The following MACROD2 variants were observed in gnomAD, a reference collection of about 807,000 sequenced individuals.
The protein encoded by MACROD2 is mono-ADP ribosylhydrolase 2, also known as ADP-ribose glycohydrolase MACROD2.
In MACROD2, 36 loss-of-function variants were observed where a neutral mutation model predicts 70.4. The ratio of observed to expected loss-of-function variants is 0.51; its 90% CI spans 0.39 to 0.68. The LOEUF (loss-of-function observed/expected upper bound fraction) is 0.68, where lower values mean the gene tolerates loss of function less well. MACROD2 is among the 30% of genes least tolerant of loss of function. The pLI, the probability that MACROD2 is intolerant of heterozygous loss-of-function variation, is 0.00. For synonymous variants in MACROD2, 172 were observed against 178.8 expected (o/e 0.96, Z 0.30); for missense variants, 496 against 538.4 (o/e 0.92, Z 0.78).
chr20:14,682,705 A>G (rs2070948658), intron 4 of MACROD2, among the ~76,000 whole-genome samples: 1 of 152,078 alleles, frequency 6.6e-6, no homozygotes, highest in Non-Finnish European at 1.5e-5. Context: ...GTTGATGGAC[A>G]TCTGAGTAGA....
chr20:15,651,764 A>G (rs463057), intron 8 of MACROD2, among the ~76,000 whole-genome samples: 3,612 of 152,244 alleles, frequency 0.024, 174 homozygotes, highest in East Asian at 0.2. Context: ...CATGTGGCCC[A>G]TGCTCCATAA....
chr20:14,064,297 C>T (rs1378848265), intron 2 of MACROD2, among the ~76,000 whole-genome samples: 1 of 152,152 alleles, frequency 6.6e-6, no homozygotes, highest in Non-Finnish European at 1.5e-5. Flanking sequence ...ATGTTGATCT[C>T]ACCCAGGGCC....
chr20:15,903,902 G>A (rs2147249826), intron 10 of MACROD2, among the ~76,000 whole-genome samples: 1 of 152,270 alleles, frequency 6.6e-6, no homozygotes, highest in South Asian at 2.1e-4. Flanking sequence ...GGTCACTTTT[G>A]GACACGTTAA....
rs570725262 is a variant in MACROD2 at position 15,183,503 on chromosome 20, TA to T, written c.419-46426del. ...GGCAATAGAACAAGACCCTGTCTCT[TA>T]AAAAAAAAAATAGATCTTATTTACT... is the stretch of plus-strand genomic sequence containing the variant. On this transcript the variant is annotated intron_variant, in intron 5 of 17. Transcript: ENST00000684519. Among the ~76,000 whole-genome samples the T allele has an allele frequency of 3.7e-3, 551 of 148,030 alleles. 6 individuals are homozygous for T. In the East Asian group the frequency reaches 0.039, roughly 10 times the overall value.
chr20:14,820,425 A>G (rs772501564), intron 5 of MACROD2, among the ~76,000 whole-genome samples: 1 of 150,368 alleles, frequency 6.7e-6, no homozygotes, highest in Non-Finnish European at 1.5e-5. Context: ...TCTTATAAAA[A>G]TACAGCTACT....
intron 8 of MACROD2, among the ~76,000 whole-genome samples, chr20:15,755,224 G>A (rs893361846): frequency 6.6e-6 from 1 of 152,126 alleles, no homozygotes; most frequent in Non-Finnish European, 1.5e-5. Context: ...GCCATGCTTT[G>A]GGAATTGTTC....
intron 3 of MACROD2, among the ~76,000 whole-genome samples, chr20:14,332,759 T>A (rs1009295688): frequency 1.1e-4 from 17 of 152,084 alleles, no homozygotes; most frequent in African/African-American, 3.9e-4. Context: ...AGAAAACACA[T>A]GCCTAAACAA....
intron 3 of MACROD2, among the ~76,000 whole-genome samples, chr20:14,250,321 TCCCCACCC>T (rs1341769862): frequency 6.6e-6 from 1 of 152,104 alleles, no homozygotes; most frequent in Non-Finnish European, 1.5e-5. Context: ...TCTCCTCACC[TCCCCACCC>T]CCAGCCTGCT....
intron 2 of MACROD2, among the ~76,000 whole-genome samples, chr20:14,040,640 T>A (rs1033794540): frequency 3.9e-5 from 6 of 152,090 alleles, no homozygotes; most frequent in Non-Finnish European, 8.8e-5. Flanking sequence ...GAGTGGTGAG[T>A]GAATGTGAAG....
At chr20:14,924,921 G>C (rs772583642) in intron 5 of MACROD2, among the ~76,000 whole-genome samples, 23 of 152,088 alleles carry the variant, frequency 1.5e-4, no homozygotes, top group Non-Finnish European at 2.9e-4. Flanking sequence ...ATAACCCTCA[G>C]TATGTTTTTA....
chr20:16,015,594 A>G (rs1343105244), intron 15 of MACROD2, among the ~76,000 whole-genome samples: 2 of 152,246 alleles, frequency 1.3e-5, no homozygotes, highest in Non-Finnish European at 2.9e-5. Flanking sequence ...TATTGGGATT[A>G]ATTAAGTTAA....
chr20:15,008,582 G>T (rs969208333), intron 5 of MACROD2, among the ~76,000 whole-genome samples: 1 of 152,082 alleles, frequency 6.6e-6, no homozygotes. Context: ...GGATGCACAC[G>T]CAGATAACTG....
chr20:15,236,729 C>T (rs1190066650), intron 6 of MACROD2, among the ~76,000 whole-genome samples: 1 of 152,182 alleles, frequency 6.6e-6, no homozygotes, highest in African/African-American at 2.4e-5. Context: ...ACGACCGTAA[C>T]TCCATGCATT....
intron 3 of MACROD2, among the ~76,000 whole-genome samples, chr20:14,412,899 T>C (rs2122870372): frequency 6.6e-6 from 1 of 152,320 alleles, no homozygotes; most frequent in East Asian, 1.9e-4. Flanking sequence ...AACTTGAAGA[T>C]TCTAAATGGA....
rs146020825 is a variant in MACROD2, at chr20:14,933,063, CTT to C, written c.418+248107_418+248108del. ...AAAGAATAGTCTTCAGAGAAAAACT[CTT>C]TTAACGTAACCTTTTTTTTTTAACC... On this transcript the variant is annotated intron_variant, in intron 5 of 17. Transcript: ENST00000684519. 7.5e-3 allele frequency among the ~76,000 whole-genome samples: 1,144 copies of C among 152,044 alleles called. 14 individuals carry two copies. The highest frequency in any genetic ancestry group is 0.026 in the African/African-American group (1,081 of 41,480).
chr20:14,532,937 A>G (rs1177879443), intron 4 of MACROD2, among the ~76,000 whole-genome samples: 1 of 152,128 alleles, frequency 6.6e-6, no homozygotes, highest in East Asian at 1.9e-4. Context: ...GGGCCAAAAG[A>G]TGTGAAGCCT....
At chr20:14,779,197 C>T (rs1482197692) in intron 5 of MACROD2, among the ~76,000 whole-genome samples, 1 of 152,104 alleles carries the variant, frequency 6.6e-6, no homozygotes, top group Non-Finnish European at 1.5e-5. Context: ...CAATTTGCTG[C>T]TCACAGCACG....
At chr20:15,430,531 C>A (rs1448135769) in intron 6 of MACROD2, among the ~76,000 whole-genome samples, 1 of 151,950 alleles carries the variant, frequency 6.6e-6, no homozygotes, top group Non-Finnish European at 1.5e-5. Context: ...GAGAAAGTTG[C>A]CATACCCAGA....
chr20:16,009,583 C>A (rs1374579775), intron 15 of MACROD2, among the ~76,000 whole-genome samples: 4 of 152,074 alleles, frequency 2.6e-5, no homozygotes, highest in Non-Finnish European at 4.4e-5. Context: ...ATGTTGAAAC[C>A]CTGTCTCTAC....
Sources: gnomAD v4.1 joint callset for allele counts (sites outside exome capture counted in the v4.1 genomes callset) on GRCh38, gnomAD v4.1.1 for gene constraint, MANE v1.5 for transcripts, NCBI Gene and HGNC (gene_info 2026-07-23, HGNC 2026-07-21) for gene names.